Variants in MAP2K3 observed in about 807,000 individuals in gnomAD.
MAP2K3 encodes the protein dual specificity mitogen-activated protein kinase kinase 3.
Under a neutral mutation model 46.4 loss-of-function variants are expected in MAP2K3, and 30 were observed. The ratio of observed to expected loss-of-function variants is 0.65; its 90% confidence interval spans 0.48 to 0.88. MAP2K3 has a LOEUF of 0.88. MAP2K3 is among the 40% of genes least tolerant of loss of function. The pLI is 0.00. For synonymous variants in MAP2K3, 189 were observed against 176.3 expected (o/e 1.07, Z -0.57); for missense variants, 380 against 464.5 (o/e 0.82, Z 1.67).
chr17:21,301,494 G>T (rs935663852), intron 5 of MAP2K3, among the ~76,000 whole-genome samples: 4 of 152,310 alleles, frequency 2.6e-5, no homozygotes, highest in African/African-American at 7.2e-5. Flanking sequence ...GGGAGCCTAG[G>T]CGATGCTGGG....
Position 21,314,569 on chromosome 17 carries a change from G to A in MAP2K3, c.*339G>A, listed in dbSNP as rs1977320354. 3 of 318,910 alleles carry A rather than the reference G, an allele frequency of 9.4e-6. No homozygotes were observed. The Admixed American group carries it at 1.4e-4, about 15-fold the overall frequency. The allele number at this position is 318,910 out of a possible 1,614,324, so 19.8% of individuals were successfully genotyped here. ...CACAGCAGGCTGCCAGTGCCTGGGT[G>A]GATGGGCCACCGCCTTGCCCAGCCT... On this transcript the variant is annotated 3_prime_UTR_variant, in exon 12 of 12. Coordinates refer to ENST00000342679, the MANE Select transcript of MAP2K3 (RefSeq NM_145109.3).
Position 21,300,655 on chromosome 17 carries a change from G to C in MAP2K3, c.276G>C (p.Val92=). Residue 92 remains valine (V), a synonymous_variant, in exon 4 of 12, where the codon GTG becomes GTC. Transcript: ENST00000342679. ...RHAQSGTIMA[V]KRIRATVNSQ... ...CCCAGAGCGGCACCATCATGGCCGT[G>C]AAGGTGAGCAGGGCCTGGAGGCAGC... The C allele has an allele frequency of 6.2e-7, 1 of 1,608,822 alleles. No homozygotes were observed.
Position 21,314,414 on chromosome 17 carries a change from T to C in MAP2K3, c.*184T>C, listed in dbSNP as rs546426675. 377 of 610,760 alleles carry C rather than the reference T, an allele frequency of 6.2e-4. 1 individual carries two copies. The highest frequency in any genetic ancestry group is 4.5e-3 in the African/African-American group (242 of 54,262). 37.8% of individuals were successfully genotyped at this position (610,760 alleles called of 1,614,324 possible). A position where few individuals can be genotyped will look rare whatever the true frequency, so the allele number is the denominator to read the frequency against. ...TCCCAAGTGCCAAAGAAGCAGACCA[T>C]TGGGGCTCCCAGCCAGGCCCTTGTC... On this transcript the variant is annotated 3_prime_UTR_variant, in exon 12 of 12. Coordinates refer to ENST00000342679, the MANE Select transcript of MAP2K3 (RefSeq NM_145109.3).
chr17:21,290,381 C>T (rs1237181253), intron 1 of MAP2K3, among the ~76,000 whole-genome samples: 7 of 16,982 alleles, frequency 4.1e-4, no homozygotes, highest in Non-Finnish European at 9.8e-4. Context: ...CAACCCATAG[C>T]CTCCTGCCGT....
chr17:21,294,921 A>G lies in MAP2K3; in HGVS notation c.50-3492A>G, dbSNP rs943234627. 2.0e-5 allele frequency among the ~76,000 whole-genome samples: 3 copies of G among 152,428 alleles called. No homozygotes were observed. The East Asian group carries it at 5.8e-4, about 29-fold the overall frequency. On this transcript the variant is annotated intron_variant, in intron 1 of 11. Transcript: ENST00000342679. ...GCAGTTGAGCCCAGGCCTTGGCTCC[A>G]GAGTGAGTGCTCACAGGTGACCTGC...
At chr17:21,295,612 C>T in intron 1 of MAP2K3, 1 of 1,286,408 alleles carries the variant, frequency 7.8e-7, no homozygotes, top group Non-Finnish European at 1.0e-6. Flanking sequence ...CTCCCTCTGA[C>T]AGCTGGGTGG....
Position 21,284,804 on chromosome 17 carries a change from C to A in MAP2K3, c.-117C>A. On this transcript the variant is annotated 5_prime_UTR_variant, in exon 1 of 12. Transcript: ENST00000342679. ...GTCGCCGCCGCCGCCGCCGCCGCCGCCGCTGCTCCTCCGCCTGGCCTGGGC... is the reference window on the plus strand; with the variant it reads ...GTCGCCGCCGCCGCCGCCGCCGCCGACGCTGCTCCTCCGCCTGGCCTGGGC... The A allele has an allele frequency of 1.6e-6, 2 of 1,215,432 alleles. No homozygotes were observed. The highest frequency in any genetic ancestry group is 2.2e-6 in the Non-Finnish European group (2 of 905,384). The allele number at this position is 1,215,432 out of a possible 1,614,324, so 75.3% of individuals were successfully genotyped here.
Position 21,304,454 on chromosome 17 carries a change from C to A in MAP2K3, c.597C>A (p.Asn199Lys), listed in dbSNP as rs1976778397. Residue 199 changes from asparagine to lysine, a missense_variant, in exon 8 of 12, where the codon AAC becomes AAA. Asn to Lys is a moderately conservative substitution (Grantham distance 94, BLOSUM62 0). Transcript: ENST00000342679. The stretch of plus-strand genomic sequence containing the variant: ...TGAAGCCCTCCAATGTCCTTATCAA[C>A]AAGGAGGGCCATGTGAAGATGTGTG... ...RDVKPSNVLI[N>K]KEGHVKMCDF... 1 of 1,614,204 alleles carries A rather than the reference C, an allele frequency of 6.2e-7. No individual in the cohort carries two copies.
At chr17:21,304,992 G>T (rs1976816094) in intron 8 of MAP2K3, 59 bp from the exon 9 acceptor site, 100 of 1,605,710 alleles carry the variant, frequency 6.2e-5, no homozygotes, top group Non-Finnish European at 8.4e-5. Flanking sequence ...GGGAGGCAAG[G>T]CCTAGCCATG....
intron 1 of MAP2K3, among the ~76,000 whole-genome samples, chr17:21,288,872 C>A (rs951168529): frequency 1.3e-5 from 2 of 152,232 alleles, no homozygotes; most frequent in Non-Finnish European, 2.9e-5. Context: ...GGGTTCGAAT[C>A]CTGGCTCCAC....
chr17:21,302,028 G>A (rs1489686837), intron 5 of MAP2K3, 115 bp from the exon 6 acceptor site: 49 of 1,014,844 alleles, frequency 4.8e-5, no homozygotes, highest in Non-Finnish European at 6.6e-5. Flanking sequence ...GGCTGAGTGG[G>A]TGGGCACACG....
chr17:21,297,182 C>T (rs527335951), intron 1 of MAP2K3, among the ~76,000 whole-genome samples: 3 of 152,306 alleles, frequency 2.0e-5, no homozygotes, highest in Non-Finnish European at 2.9e-5. Flanking sequence ...GGCCCCGGTG[C>T]GTGGCTCTGA....
chr17:21,304,042 C>T (rs1369535253), intron 7 of MAP2K3, among the ~76,000 whole-genome samples: 2 of 84 alleles, frequency 0.024, no homozygotes, highest in Non-Finnish European at 0.1. Context: ...TCCTGCCTCC[C>T]AGGCTTTAAT....
At chr17:21,298,724 C>T (rs1678847955) in intron 2 of MAP2K3, among the ~76,000 whole-genome samples, 154 bp from the exon 3 acceptor site, 1 of 152,258 alleles carries the variant, frequency 6.6e-6, no homozygotes, top group South Asian at 2.1e-4. Flanking sequence ...AGTGTAGATG[C>T]TCAGCAGCCA....
At chr17:21,297,750 G>T (rs754995387) in intron 1 of MAP2K3, among the ~76,000 whole-genome samples, 193 of 152,188 alleles carry the variant, frequency 1.3e-3, no homozygotes, top group South Asian at 0.011. Flanking sequence ...GTCCCTAGGG[G>T]TGGAGTGAGG....
At chr17:21,296,473 G>A (rs1321502807) in intron 1 of MAP2K3, among the ~76,000 whole-genome samples, 4 of 152,310 alleles carry the variant, frequency 2.6e-5, no homozygotes, top group Admixed American at 6.5e-5. Flanking sequence ...TGTTGAGCAC[G>A]AGACTTGGGC....
chr17:21,291,243 A>C (rs1975906953), intron 1 of MAP2K3, among the ~76,000 whole-genome samples: 1 of 152,204 alleles, frequency 6.6e-6, no homozygotes, highest in African/African-American at 2.4e-5. Flanking sequence ...GAATCGTCTC[A>C]AAAATAAATA....
chr17:21,293,027 G>A (rs1190047656), intron 1 of MAP2K3, among the ~76,000 whole-genome samples: 1 of 152,310 alleles, frequency 6.6e-6, no homozygotes, highest in Non-Finnish European at 1.5e-5. Context: ...AAAGAAATTT[G>A]CATAGGCCAG....
At chr17:21,296,205 G>T in intron 1 of MAP2K3, 2 of 1,286,270 alleles carry the variant, frequency 1.6e-6, no homozygotes, top group South Asian at 1.2e-5. Flanking sequence ...GCACTGTGCG[G>T]GGCAGGTGGG....
Sources: gnomAD v4.1 joint callset for allele counts (sites outside exome capture counted in the v4.1 genomes callset) on GRCh38, gnomAD v4.1.1 for gene constraint, MANE v1.5 for transcripts, NCBI Gene and HGNC (gene_info 2026-07-23, HGNC 2026-07-21) for gene names.